Variants in GRTP1 observed in about 807,000 individuals in gnomAD.
GRTP1 encodes growth hormone-regulated TBC protein 1.
In GRTP1, 56 loss-of-function variants were observed where a neutral mutation model predicts 38.1. The observed-to-expected ratio is 1.47, with a 90% CI of 1.19 to 1.84. The LOEUF is 1.84. Ranked by LOEUF, GRTP1 falls within the 40% of genes most tolerant of loss-of-function variation. GRTP1 has a pLI of 0.00. For missense variants in GRTP1, 506 were observed against 453.9 expected (o/e 1.11, Z -1.04); for synonymous variants, 217 against 189.5 (o/e 1.14, Z -1.19).
chr13:113,324,715 C>T (rs1317791879), intron 7 of GRTP1, 138 bp from the exon 8 acceptor site: 12 of 1,430,226 alleles, frequency 8.4e-6, no homozygotes, highest in South Asian at 1.5e-5. Flanking sequence ...TCTGGGGTGA[C>T]CCACAGATTG....
intron 5 of GRTP1, among the ~76,000 whole-genome samples, chr13:113,344,030 T>G (rs1229453792): frequency 6.6e-6 from 1 of 152,180 alleles, no homozygotes; most frequent in Non-Finnish European, 1.5e-5. Flanking sequence ...TAATTAAACA[T>G]TAATAAATAG....
Position 113,364,057 on chromosome 13 carries a change from G to A in GRTP1, c.-6C>T. On this transcript the variant is annotated 5_prime_UTR_variant, in exon 1 of 8. Coordinates refer to ENST00000375431, the MANE Select transcript of GRTP1 (RefSeq NM_024719.4). ...GAGCGCTCGGCGGGCTGCATGCGGG[G>A]AGGGAGGCGCGCACCGAGCGAGGCC... 7.8e-7 allele frequency: 1 copy of A among 1,285,446 alleles called. No individual in the cohort carries two copies. The highest frequency in any genetic ancestry group is 3.0e-5 in the South Asian group (1 of 33,228). 79.6% of individuals were successfully genotyped at this position (1,285,446 alleles called of 1,614,324 possible).
intron 5 of GRTP1, among the ~76,000 whole-genome samples, chr13:113,327,971 G>A (rs2042799626): frequency 6.6e-6 from 1 of 152,232 alleles, no homozygotes; most frequent in Non-Finnish European, 1.5e-5. Context: ...CCACCAGGCT[G>A]AGCCGGCCAC....
In GRTP1 at chr13:113,326,102, A is replaced by G. The variant is rs2042763940; in HGVS notation, c.563-11T>C. 4 of 1,604,920 alleles carry G rather than the reference A, an allele frequency of 2.5e-6. No homozygotes were observed. Among genetic ancestry groups the G allele is most frequent in the Non-Finnish European group, 3.4e-6 (4 of 1,179,630 alleles). ...CCGGGCTGTAGTAATCTGCCAGGCA[A>G]TGTGGAGAAAAGACCCCGAGACACT... On this transcript the variant is annotated splice_polypyrimidine_tract_variant and intron_variant, in intron 5 of 7. Transcript: ENST00000375431.
chr13:113,329,114 C>G (rs2042818716), intron 5 of GRTP1, among the ~76,000 whole-genome samples: 1 of 152,248 alleles, frequency 6.6e-6, no homozygotes. Context: ...GCGTCTTTTT[C>G]TCACTCATTA....
chr13:113,325,765 G>C lies in GRTP1; in HGVS notation c.817C>G (p.His273Asp). Residue 273 changes from histidine (H) to aspartate (D), a missense_variant, in exon 7 of 8, where the codon CAC becomes GAC. Coordinates refer to ENST00000375431, the MANE Select transcript of GRTP1 (RefSeq NM_024719.4). ...FRVALTLIKQ[H>D]QELILEATSV... is the part of the protein sequence containing the mutation. ...GTGGCTTCCAAAATCAACTCCTGGTGCTGCTTAATTAAGGTCAGGGCCACC... is the reference window on the plus strand; with the variant it reads ...GTGGCTTCCAAAATCAACTCCTGGTCCTGCTTAATTAAGGTCAGGGCCACC... The C allele has an allele frequency of 6.2e-7, 1 of 1,614,204 alleles. No individual in the cohort carries two copies. The highest frequency in any genetic ancestry group is 2.2e-5 in the East Asian group (1 of 44,876).
chr13:113,334,932 T>C (rs375594789), intron 5 of GRTP1, among the ~76,000 whole-genome samples: 52 of 152,146 alleles, frequency 3.4e-4, no homozygotes, highest in Non-Finnish European at 4.9e-4. Context: ...ACGCCATTCT[T>C]CTGCCTCAGC....
rs1353780345 is a variant in GRTP1 at position 113,343,712 on chromosome 13, C to G, written c.562+1151G>C. Among the ~76,000 whole-genome samples the G allele has an allele frequency of 6.6e-6, 1 of 152,232 alleles. No homozygotes were observed. Among genetic ancestry groups the G allele is most frequent in the East Asian group, 1.9e-4 (1 of 5,198 alleles). ...AGGACAAGCGCAGCTCAGCAGGAAA[C>G]TGACACATGCCGTGTGCTCACCAGG... is the stretch of plus-strand genomic sequence containing the variant. On this transcript the variant is annotated intron_variant, in intron 5 of 7. Coordinates refer to ENST00000375431, the MANE Select transcript of GRTP1 (RefSeq NM_024719.4). The surrounding 1 kb of genome is among the most constrained non-coding windows in gnomAD (Gnocchi z 4.8).
intron 7 of GRTP1, chr13:113,324,837 T>C: frequency 8.4e-7 from 1 of 1,185,126 alleles, no homozygotes; most frequent in Non-Finnish European, 1.0e-6. Context: ...GACTTTTTTT[T>C]TTTTTTTGAG....
intron 5 of GRTP1, among the ~76,000 whole-genome samples, chr13:113,335,728 C>T (rs990167006): frequency 4.0e-4 from 61 of 152,080 alleles, no homozygotes; most frequent in African/African-American, 1.0e-3. Context: ...TCTGTCTCTG[C>T]ACCCGGCTTA....
At position 113,343,219 on chromosome 13, in the gene GRTP1, C is replaced by T. The variant is rs2043049952; in HGVS notation, c.562+1644G>A. Among the ~76,000 whole-genome samples, 1 of 152,188 alleles carries T rather than the reference C, an allele frequency of 6.6e-6. No individual in the cohort carries two copies. Among genetic ancestry groups the T allele is most frequent in the African/African-American group, 2.4e-5 (1 of 41,450 alleles). ...TCCTACCAATCCCACATTTGGATGT[C>T]TCCTAACTCCATCTGCCTCTAATTT... is the stretch of plus-strand genomic sequence containing the variant. On this transcript the variant is annotated intron_variant, in intron 5 of 7. Coordinates refer to ENST00000375431, the MANE Select transcript of GRTP1 (RefSeq NM_024719.4). The surrounding 1 kb of genome is among the most constrained non-coding windows in gnomAD (Gnocchi z 4.8).
At chr13:113,327,772 G>A (rs773683706) in intron 5 of GRTP1, among the ~76,000 whole-genome samples, 1 of 152,238 alleles carries the variant, frequency 6.6e-6, no homozygotes, top group Non-Finnish European at 1.5e-5. Flanking sequence ...AGAGAGGGGT[G>A]AAGAACCATC....
At chr13:113,362,952 C>G (rs776191596) in intron 2 of GRTP1, among the ~76,000 whole-genome samples, 1 of 152,226 alleles carries the variant, frequency 6.6e-6, no homozygotes, top group Non-Finnish European at 1.5e-5. Flanking sequence ...ACAGGGAAGT[C>G]GCCTGGCACT....
chr13:113,351,664 C>G lies in GRTP1; in HGVS notation c.341-691G>C, dbSNP rs189735573. ...TACCACGTGGGTCCCTGAGACTAAC[C>G]AAGCCTCACGCTGACCAAGTGCCAG... On this transcript the variant is annotated intron_variant, in intron 3 of 7. Coordinates refer to ENST00000375431, the MANE Select transcript of GRTP1 (RefSeq NM_024719.4). 1,034 of 152,920 alleles carry G rather than the reference C, an allele frequency of 6.8e-3. 7 individuals carry two copies. The highest frequency in any genetic ancestry group is 0.011 in the Non-Finnish European group (774 of 68,466). 9.5% of individuals were successfully genotyped at this position (152,920 alleles called of 1,614,324 possible).
rs947604889 is a variant in GRTP1 at position 113,348,245 on chromosome 13, A to T, written c.465+2604T>A. ...GGCAGGAGGATCGCCTGAGCTCAGGAGTTCAAGACCAGCCTGGGCAATGTG... is the reference window on the plus strand; with the variant it reads ...GGCAGGAGGATCGCCTGAGCTCAGGTGTTCAAGACCAGCCTGGGCAATGTG... On this transcript the variant is annotated intron_variant, in intron 4 of 7. Transcript: ENST00000375431. This position sits in a 1 kb window ranked among gnomAD's most constrained non-coding sequence, Gnocchi z 4.8. 6.6e-6 allele frequency among the ~76,000 whole-genome samples: 1 copy of T among 152,134 alleles called. No individual in the cohort carries two copies.
intron 5 of GRTP1, among the ~76,000 whole-genome samples, chr13:113,326,390 G>GGGT (rs1555313487): frequency 6.2e-5 from 5 of 80,666 alleles, no homozygotes; most frequent in African/African-American, 4.1e-4. Context: ...GGGGGGGGGG[G>GGGT]GCGGGAGCGT....
At chr13:113,357,224 C>G (rs111749818) in intron 2 of GRTP1, among the ~76,000 whole-genome samples, 171 of 94,670 alleles carry the variant, frequency 1.8e-3, no homozygotes, top group African/African-American at 5.9e-3. Context: ...GTGGGCAGAT[C>G]ACCTGAGGTC....
rs1489710350 is a variant in GRTP1, at chr13:113,326,033, C to G, written c.621G>C (p.Leu207=). The change falls in exon 6 of 8, where the codon CTG becomes CTC. Residue 207 remains leucine (L), a synonymous_variant. Coordinates refer to ENST00000375431, the MANE Select transcript of GRTP1 (RefSeq NM_024719.4). The stretch of plus-strand genomic sequence containing the variant: ...CCACAGCCGGCAGCTTCGCCCGCAC[C>G]AGCTCCCCGAGGACCTCCTGGTCGG... The part of the protein sequence containing the change: ...LKTDQEVLGE[L]VRAKLPAVGA... 6.2e-7 allele frequency: 1 copy of G among 1,613,432 alleles called. No homozygotes were observed. Among genetic ancestry groups the G allele is most frequent in the Non-Finnish European group, 8.5e-7 (1 of 1,179,964 alleles).
At position 113,325,656 on chromosome 13, in the gene GRTP1, C is replaced by G; in HGVS notation, c.921+5G>C. On this transcript the variant is annotated splice_donor_5th_base_variant and intron_variant, in intron 7 of 7. Transcript: ENST00000375431. Reference sequence around the variant, plus strand: ...GGGGACTGAGCCACGTGCAGCCCCACACACCTGCATAAACGTGTGACACTC... The same window carrying G: ...GGGGACTGAGCCACGTGCAGCCCCAGACACCTGCATAAACGTGTGACACTC... The G allele has an allele frequency of 6.2e-7, 1 of 1,603,944 alleles. No homozygotes were observed.
Sources: allele counts gnomAD v4.1 joint callset (sites outside exome capture counted in the v4.1 genomes callset), GRCh38; gene constraint gnomAD v4.1.1; non-coding constraint Gnocchi (gnomAD v3.1); transcripts MANE v1.5; gene names NCBI Gene and HGNC (gene_info 2026-07-23, HGNC 2026-07-21).